The following NUP153 variants were observed in gnomAD, a reference collection of about 807,000 sequenced individuals.
NUP153 encodes nucleoporin 153.
A neutral mutation model predicts 134.6 loss-of-function variants in NUP153; 27 were observed. The observed-to-expected ratio is 0.20, with a 90% CI of 0.15 to 0.28. The LOEUF (loss-of-function observed/expected upper bound fraction) is 0.28. Among genes scored for constraint, NUP153 ranks in the 10% least tolerant of loss-of-function variants. The pLI, the probability that NUP153 is intolerant of heterozygous loss-of-function variation, is 1.00. For missense variants in NUP153, 1,821 were observed against 1,731.3 expected (o/e 1.05, Z -0.92); for synonymous variants, 640 against 623.5 (o/e 1.03, Z -0.40).
chr6:17,698,476 C>T (rs975872339), intron 1 of NUP153, among the ~76,000 whole-genome samples: 2 of 152,026 alleles, frequency 1.3e-5, no homozygotes, highest in Non-Finnish European at 2.9e-5. Flanking sequence ...TGGTGGCTCA[C>T]GCCTGTAACC....
intron 16 of NUP153, among the ~76,000 whole-genome samples, chr6:17,636,104 C>A (rs993385529): frequency 6.6e-6 from 1 of 152,154 alleles, no homozygotes; most frequent in Non-Finnish European, 1.5e-5. Flanking sequence ...AAGGCCAAGG[C>A]GGATAGATCA....
Position 17,629,255 on chromosome 6 carries a change from T to C in NUP153, c.2944A>G (p.Lys982Glu), listed in dbSNP as rs1000887682. The C allele has an allele frequency of 1.2e-5, 20 of 1,612,718 alleles. No individual in the cohort carries two copies. Among genetic ancestry groups the C allele is most frequent in the Non-Finnish European group, 1.7e-5 (20 of 1,179,650 alleles). The change falls in exon 18 of 22, where the codon AAG becomes GAG. Residue 982 changes from lysine to glutamate, a missense_variant. By Grantham distance (56) the Lys-to-Glu change is moderately conservative (BLOSUM62 1). Coordinates refer to ENST00000262077, the MANE Select transcript of NUP153 (RefSeq NM_005124.4). Reference sequence around the variant, plus strand: ...CTTAAACCAGAAGAAAGTCCAAACTTAAAATTATCATTCTTACTATCTTTT... The same window carrying C: ...CTTAAACCAGAAGAAAGTCCAAACTCAAAATTATCATTCTTACTATCTTTT... The part of the protein sequence containing the change: ...VKKDSKNDNF[K>E]FGLSSGLSNP...
chr6:17,643,639 G>A (rs1765974572), intron 14 of NUP153, among the ~76,000 whole-genome samples: 1 of 152,174 alleles, frequency 6.6e-6, no homozygotes, highest in Admixed American at 6.5e-5. Flanking sequence ...AGGGGAAAAG[G>A]AGACAATGGA....
Position 17,688,494 on chromosome 6 carries a change from G to A in NUP153, c.236C>T (p.Pro79Leu). Residue 79 changes from proline (P) to leucine (L), a missense_variant, in exon 2 of 22, where the codon CCA (proline) becomes CTA (leucine). By Grantham distance (98) the Pro-to-Leu change is moderately conservative. Coordinates refer to ENST00000262077, the MANE Select transcript of NUP153 (RefSeq NM_005124.4). The part of the protein sequence containing the change: ...STDTSEVPRW[P>L]ENKEDHLVYA... ...TACCAGATGGTCCTCTTTATTTTCT[G>A]GCCAGCGTGGAACCTCGCTTGTGTC... 6.2e-7 allele frequency: 1 copy of A among 1,613,914 alleles called. No homozygotes were observed. The highest frequency in any genetic ancestry group is 1.1e-5 in the South Asian group (1 of 91,066).
intron 2 of NUP153, among the ~76,000 whole-genome samples, chr6:17,676,571 A>C (rs1768234132): frequency 6.6e-6 from 1 of 152,174 alleles, no homozygotes; most frequent in Non-Finnish European, 1.5e-5. Flanking sequence ...TAAAGTTCCC[A>C]AAAAGAGGCT....
At chr6:17,670,820 AT>A (rs1193707383) in intron 5 of NUP153, among the ~76,000 whole-genome samples, 3 of 150,822 alleles carry the variant, frequency 2.0e-5, no homozygotes, top group South Asian at 2.1e-4. Flanking sequence ...TTTATTTTTT[AT>A]TTTTTTTTAG....
chr6:17,620,340 C>G (rs192325031), intron 20 of NUP153, among the ~76,000 whole-genome samples: 1 of 152,108 alleles, frequency 6.6e-6, no homozygotes, highest in African/African-American at 2.4e-5. Flanking sequence ...AACAAATCCA[C>G]GTATTTACAG....
chr6:17,632,460 C>T (rs1408253134), intron 17 of NUP153, among the ~76,000 whole-genome samples, 190 bp downstream of exon 17: 2 of 152,098 alleles, frequency 1.3e-5, no homozygotes, highest in Non-Finnish European at 2.9e-5. Flanking sequence ...TCACTGTTGA[C>T]AAGCAACTAA....
chr6:17,616,656 T>G lies in NUP153; in HGVS notation c.4214A>C (p.Asn1405Thr). The change falls in exon 21 of 22, where the codon AAC (asparagine) becomes ACC (threonine). Residue 1405 changes from asparagine to threonine, a missense_variant. Physicochemically the swap from Asn to Thr is moderately conservative, Grantham distance 65 (BLOSUM62 0). Transcript: ENST00000262077. The stretch of plus-strand genomic sequence containing the variant: ...TCCTGATGGACTGTTGTTTGTGAAG[T>G]TGAAATTTGTAGTGCTGCTGCCAAA... ...FQFGSSTTNFNFTNNSPSGVF... is the reference protein window; with the variant it reads ...FQFGSSTTNFTFTNNSPSGVF... 6.2e-7 allele frequency: 1 copy of G among 1,613,924 alleles called. No homozygotes were observed. Among genetic ancestry groups the G allele is most frequent in the Non-Finnish European group, 8.5e-7 (1 of 1,179,830 alleles).
Position 17,662,042 on chromosome 6 carries a change from C to G in NUP153, c.1244G>C (p.Gly415Ala). Residue 415 changes from glycine (G) to alanine (A), a missense_variant, in exon 10 of 22, where the codon GGA (glycine) becomes GCA (alanine). Physicochemically the swap from Gly to Ala is moderately conservative, Grantham distance 60. Coordinates refer to ENST00000262077, the MANE Select transcript of NUP153 (RefSeq NM_005124.4). ...STGYEKNMTP[G>A]QNREQRESGF... is the part of the protein sequence containing the mutation. ...CCTTTCTCGTTGTTCTCTATTTTGT[C>G]CGGGTGTCATATTTTTTTCATATCC... The G allele has an allele frequency of 6.2e-7, 1 of 1,611,550 alleles. No individual in the cohort carries two copies. The highest frequency in any genetic ancestry group is 8.5e-7 in the Non-Finnish European group (1 of 1,178,424).
Position 17,674,938 on chromosome 6 carries a change from T to C in NUP153, c.819A>G (p.Val273=). The stretch of plus-strand genomic sequence containing the variant: ...GTGTATTTCGTAGTTTAGACTGTCT[T>C]ACAGCAGCTGCTGCCCCACCGTATG... ...KTTYGGAAAA[V]RQSKLRNTPY... The change falls in exon 5 of 22, where the codon GTA becomes GTG. Residue 273 remains valine (V), a synonymous_variant. Coordinates refer to ENST00000262077, the MANE Select transcript of NUP153 (RefSeq NM_005124.4). The C allele has an allele frequency of 6.2e-7, 1 of 1,613,868 alleles. No individual in the cohort carries two copies. Among genetic ancestry groups the C allele is most frequent in the Non-Finnish European group, 8.5e-7 (1 of 1,179,838 alleles).
intron 16 of NUP153, among the ~76,000 whole-genome samples, chr6:17,633,213 A>G (rs1765351315): frequency 6.6e-6 from 1 of 152,160 alleles, no homozygotes; most frequent in South Asian, 2.1e-4. Context: ...TCTTTTTCAA[A>G]TTTCTTCAAA....
chr6:17,669,438 G>A lies in NUP153; in HGVS notation c.961C>T (p.Pro321Ser). ...TGATTTTAAAAATTTACCGCTAAAG[G>A]GCTTGACATCTTCTCTAAAGACTGC... ...ILQSLEKMSSPLADAKRIPSI... is the reference protein window; with the variant it reads ...ILQSLEKMSSSLADAKRIPSI... Residue 321 changes from proline (P) to serine (S), a missense_variant, in exon 6 of 22, where the codon CCT (proline) becomes TCT (serine). Coordinates refer to ENST00000262077, the MANE Select transcript of NUP153 (RefSeq NM_005124.4). 2 of 1,612,486 alleles carry A rather than the reference G, an allele frequency of 1.2e-6. No homozygotes were observed. The highest frequency in any genetic ancestry group is 2.2e-5 in the East Asian group (1 of 44,868).
intron 17 of NUP153, among the ~76,000 whole-genome samples, chr6:17,630,512 A>G (rs1765184775): frequency 6.6e-6 from 1 of 151,934 alleles, no homozygotes; most frequent in Admixed American, 6.6e-5. Flanking sequence ...ATACAAAAAA[A>G]ATCAGCCAGG....
At chr6:17,633,655 A>T (rs1044566652) in intron 16 of NUP153, among the ~76,000 whole-genome samples, 5 of 152,210 alleles carry the variant, frequency 3.3e-5, no homozygotes, top group South Asian at 2.1e-4. Context: ...AATCTTAAGC[A>T]AAACTAGCAT....
At chr6:17,631,439 T>G (rs1201913265) in intron 17 of NUP153, among the ~76,000 whole-genome samples, 3 of 152,248 alleles carry the variant, frequency 2.0e-5, no homozygotes, top group Non-Finnish European at 2.9e-5. Flanking sequence ...TTTGGGCTTT[T>G]AGTATATTCA....
chr6:17,676,970 G>T (rs3777715), intron 2 of NUP153, among the ~76,000 whole-genome samples: 32,396 of 152,104 alleles, frequency 0.21, 4,008 homozygotes, highest in Non-Finnish European at 0.27. Flanking sequence ...ACAGTGTACC[G>T]TGCTAGGGGA....
intron 20 of NUP153, 85 bp downstream of exon 20, chr6:17,624,476 A>G: frequency 7.7e-7 from 1 of 1,293,442 alleles, no homozygotes; most frequent in South Asian, 1.4e-5. Context: ...AAAATTAGAC[A>G]TATGAATGGT....
chr6:17,667,007 A>G (rs1581730341), intron 8 of NUP153, among the ~76,000 whole-genome samples: 1 of 152,202 alleles, frequency 6.6e-6, no homozygotes. Flanking sequence ...ATGATACTGT[A>G]TTCTGGCTTT....
Sources: gnomAD v4.1 joint callset for allele counts (sites outside exome capture counted in the v4.1 genomes callset) on GRCh38, gnomAD v4.1.1 for gene constraint, MANE v1.5 for transcripts, NCBI Gene and HGNC (gene_info 2026-07-23, HGNC 2026-07-21) for gene names.